The following ACAP2 variants were observed in gnomAD, a reference collection of about 807,000 sequenced individuals.
ACAP2 encodes ArfGAP with coiled-coil, ankyrin repeat and PH domains 2.
A neutral mutation model predicts 115.8 loss-of-function variants in ACAP2; 39 were observed. That is an observed-to-expected ratio of 0.34 (90% CI 0.26 to 0.44). ACAP2 has a LOEUF of 0.44. Ranked by LOEUF, ACAP2 falls within the 20% of genes least tolerant of loss-of-function variation. The pLI is 1.00. For synonymous variants in ACAP2, 289 were observed against 315.8 expected (o/e 0.92, Z 0.90); for missense variants, 662 against 927.6 (o/e 0.71, Z 3.72).
At chr3:195,398,269 A>G (rs1030801608) in intron 1 of ACAP2, among the ~76,000 whole-genome samples, 2 of 152,250 alleles carry the variant, frequency 1.3e-5, no homozygotes, top group African/African-American at 4.8e-5. Flanking sequence ...GGAAGGTTAC[A>G]GTTCTAAATT....
intron 7 of ACAP2, chr3:195,335,952 G>A (rs1224797150): frequency 1.5e-5 from 2 of 137,620 alleles, no homozygotes; most frequent in African/African-American, 5.5e-5. Flanking sequence ...CTAGGCTGGA[G>A]TACAATGGCG....
At chr3:195,304,685 G>A (rs187177100) in intron 13 of ACAP2, among the ~76,000 whole-genome samples, 54 of 152,178 alleles carry the variant, frequency 3.5e-4, no homozygotes, top group Non-Finnish European at 4.4e-5. Context: ...CCAGTGCTTA[G>A]CTCCCCACCA....
chr3:195,365,010 T>C (rs1732620573), intron 4 of ACAP2, among the ~76,000 whole-genome samples: 1 of 152,210 alleles, frequency 6.6e-6, no homozygotes, highest in African/African-American at 2.4e-5. Context: ...TTATGTTAAG[T>C]GAAATAAGCC....
chr3:195,292,429 TAGA>T lies in ACAP2; in HGVS notation c.1786_1788del (p.Ser596del), dbSNP rs779594914. 431 of 1,607,884 alleles carry T rather than the reference TAGA, an allele frequency of 2.7e-4. 1 individual carries two copies. The highest frequency in any genetic ancestry group is 1.0e-3 in the African/African-American group (75 of 74,360). ...TTAAGATGTTTCGAGTCAAGAAACA[TAGA>T]AGAATCTTGCCTTTCTCCTTCTGAA... is the stretch of plus-strand genomic sequence containing the variant. On this transcript the variant is annotated inframe_deletion, in exon 19 of 23. Transcript: ENST00000326793.
At chr3:195,280,382 G>A (rs1479725813) in intron 22 of ACAP2, among the ~76,000 whole-genome samples, 7 of 152,134 alleles carry the variant, frequency 4.6e-5, no homozygotes, top group African/African-American at 1.4e-4. Flanking sequence ...TGAGGCAGGA[G>A]AATCGCTTGA....
intron 4 of ACAP2, among the ~76,000 whole-genome samples, chr3:195,361,620 T>C (rs1365122949): frequency 6.6e-6 from 1 of 151,276 alleles, no homozygotes; most frequent in Non-Finnish European, 1.5e-5. Flanking sequence ...CTTAAAGAAC[T>C]AGAAAAGCAA....
intron 4 of ACAP2, among the ~76,000 whole-genome samples, chr3:195,380,016 T>C (rs1205045818): frequency 6.6e-6 from 1 of 152,260 alleles, no homozygotes; most frequent in East Asian, 1.9e-4. Flanking sequence ...TGTGGAGAAC[T>C]TGGAACACTC....
At chr3:195,284,932 C>T (rs1726746383) in intron 22 of ACAP2, among the ~76,000 whole-genome samples, 1 of 152,240 alleles carries the variant, frequency 6.6e-6, no homozygotes. Context: ...GTCTAATCAA[C>T]GTGTTCTTCA....
At chr3:195,339,271 A>G (rs1400335510) in intron 6 of ACAP2, among the ~76,000 whole-genome samples, 4 of 152,122 alleles carry the variant, frequency 2.6e-5, no homozygotes, top group Non-Finnish European at 5.9e-5. Context: ...TTTCTTCTGC[A>G]TGTATTTCAA....
chr3:195,325,107 A>G (rs1729692007), intron 9 of ACAP2, among the ~76,000 whole-genome samples: 2 of 152,230 alleles, frequency 1.3e-5, no homozygotes, highest in South Asian at 2.1e-4. Context: ...CCAAAATCTG[A>G]AAGTCTCATA....
chr3:195,316,234 T>A (rs1350166919), intron 10 of ACAP2, among the ~76,000 whole-genome samples: 1 of 151,684 alleles, frequency 6.6e-6, no homozygotes, highest in Non-Finnish European at 1.5e-5. Context: ...CTACTCTGGC[T>A]ACAGAAATTT....
chr3:195,381,898 C>T lies in ACAP2; in HGVS notation c.231+5G>A. The T allele has an allele frequency of 6.3e-7, 1 of 1,582,602 alleles. No homozygotes were observed. On this transcript the variant is annotated splice_donor_5th_base_variant and intron_variant, in intron 3 of 22. Coordinates refer to ENST00000326793, the MANE Select transcript of ACAP2 (RefSeq NM_012287.6). ...ATTTTTAACTGCAATTTTAGTAATA[C>T]TAACCTCAACGACAGCATCATTACT...
At chr3:195,374,126 CTGTCA>C (rs992075752) in intron 4 of ACAP2, among the ~76,000 whole-genome samples, 1 of 152,166 alleles carries the variant, frequency 6.6e-6, no homozygotes, top group African/African-American at 2.4e-5. Context: ...AGGTCAGGCA[CTGTCA>C]TCCCAGCACT....
intron 1 of ACAP2, among the ~76,000 whole-genome samples, chr3:195,434,080 C>T (rs1484265465): frequency 6.6e-6 from 1 of 152,056 alleles, no homozygotes; most frequent in East Asian, 1.9e-4. Flanking sequence ...AGGCATGTAC[C>T]ACCACACACA....
In ACAP2 at chr3:195,291,816, C is replaced by A; in HGVS notation, c.1954-1G>T. On this transcript the variant is annotated splice_acceptor_variant, in intron 19 of 22. Transcript: ENST00000326793. LOFTEE classifies it high-confidence loss of function. ...GGAACTCACACGTCACCAAAGAGCC[C>A]TTAAAGGAAAAAAGAGGATAACTAT... 6.2e-7 allele frequency: 1 copy of A among 1,601,656 alleles called. No homozygotes were observed. The highest frequency in any genetic ancestry group is 1.8e-5 in the Admixed American group (1 of 56,588).
intron 1 of ACAP2, among the ~76,000 whole-genome samples, chr3:195,416,484 C>A (rs147732107): frequency 2.6e-5 from 4 of 152,068 alleles, no homozygotes; most frequent in Non-Finnish European, 5.9e-5. Flanking sequence ...ATGAAACATA[C>A]ACCATCTCCT....
intron 4 of ACAP2, among the ~76,000 whole-genome samples, chr3:195,357,309 A>G (rs1732038998): frequency 6.6e-6 from 1 of 152,142 alleles, no homozygotes; most frequent in South Asian, 2.1e-4. Context: ...AGTTGAATAC[A>G]GTGCCAGGGA....
intron 4 of ACAP2, among the ~76,000 whole-genome samples, chr3:195,378,075 G>C (rs1049258021): frequency 6.7e-6 from 1 of 150,260 alleles, no homozygotes; most frequent in African/African-American, 2.5e-5. Context: ...AGGGAGGGAG[G>C]AAGGGAGGAA....
intron 1 of ACAP2, among the ~76,000 whole-genome samples, chr3:195,395,262 T>A (rs1711653515): frequency 6.6e-6 from 1 of 151,946 alleles, no homozygotes. Flanking sequence ...TTTAAAAAAA[T>A]CAAGTTATAT....
Sources: allele counts gnomAD v4.1 joint callset (sites outside exome capture counted in the v4.1 genomes callset), GRCh38; gene constraint gnomAD v4.1.1; transcripts MANE v1.5; gene names NCBI Gene and HGNC (gene_info 2026-07-23, HGNC 2026-07-21).